The following MTA3 variants were observed in gnomAD, a reference collection of about 807,000 sequenced individuals.
MTA3 encodes metastasis-associated protein MTA3.
A neutral mutation model predicts 83.5 loss-of-function variants in MTA3; 34 were observed. The observed-to-expected ratio is 0.41, with a 90% CI of 0.31 to 0.54. MTA3 has a LOEUF of 0.54. Among genes scored for constraint, MTA3 ranks in the 20% least tolerant of loss-of-function variants. MTA3 has a pLI of 0.33. For synonymous variants in MTA3, 303 were observed against 252.7 expected (o/e 1.20, Z -1.89); for missense variants, 761 against 726.4 (o/e 1.05, Z -0.55).
chr2:42,625,746 CAAA>C (rs58956321), intron 4 of MTA3, among the ~76,000 whole-genome samples: 4 of 51,214 alleles, frequency 7.8e-5, no homozygotes, highest in South Asian at 6.8e-4. Context: ...GACTCCATCT[CAAA>C]AAAAAAAAAA....
chr2:42,557,688 T>G (rs1369288685), intron 2 of MTA3, among the ~76,000 whole-genome samples: 1 of 152,218 alleles, frequency 6.6e-6, no homozygotes, highest in Non-Finnish European at 1.5e-5. Flanking sequence ...TTTATTTATC[T>G]AGGACTTCGA....
chr2:42,682,677 C>G (rs911402011), intron 9 of MTA3, 88 bp downstream of exon 9: 4 of 1,221,516 alleles, frequency 3.3e-6, no homozygotes, highest in African/African-American at 3.0e-5. Flanking sequence ...ATTCATTTAG[C>G]AAGTTTGTGA....
At chr2:42,745,330 A>G (rs1380834265) in intron 16 of MTA3, among the ~76,000 whole-genome samples, 1 of 152,230 alleles carries the variant, frequency 6.6e-6, no homozygotes, top group Admixed American at 6.5e-5. Flanking sequence ...TAGGACAGCC[A>G]GTGAGCAAGA....
chr2:42,616,567 T>C (rs1335463915), intron 4 of MTA3, among the ~76,000 whole-genome samples: 2 of 126,918 alleles, frequency 1.6e-5, no homozygotes, highest in East Asian at 4.2e-4. Context: ...TCTCTTCTTC[T>C]TCTTCTTTTT....
Position 42,753,870 on chromosome 2 carries a change from G to A in MTA3, c.*471G>A, listed in dbSNP as rs1031658432. ...TGAATGGATTTTTCTTAAGAAATGC[G>A]CCAGTGTTTATGAGGTTCAAGGTAT... is the stretch of plus-strand genomic sequence containing the variant. On this transcript the variant is annotated 3_prime_UTR_variant, in exon 17 of 17. Coordinates refer to ENST00000405094, the MANE Select transcript of MTA3 (RefSeq NM_001330442.2). The A allele has an allele frequency of 5.4e-5, 53 of 989,684 alleles. No individual in the cohort carries two copies. The highest frequency in any genetic ancestry group is 6.0e-5 in the Admixed American group (1 of 16,568). The allele number at this position is 989,684 out of a possible 1,614,324, so 61.3% of individuals were successfully genotyped here.
chr2:42,643,043 C>T (rs373041769), intron 5 of MTA3, among the ~76,000 whole-genome samples: 3 of 146,936 alleles, frequency 2.0e-5, no homozygotes, highest in South Asian at 2.2e-4. Context: ...CTCCCCCCCC[C>T]CCCTTTTTTT....
At chr2:42,641,911 T>G (rs1373277299) in intron 5 of MTA3, among the ~76,000 whole-genome samples, 2 of 151,912 alleles carry the variant, frequency 1.3e-5, no homozygotes, top group African/African-American at 4.8e-5. Flanking sequence ...ATTGAAAAAT[T>G]ACCTATTGGG....
intron 4 of MTA3, among the ~76,000 whole-genome samples, chr2:42,621,795 A>G (rs560431483): frequency 4.5e-4 from 66 of 147,146 alleles, no homozygotes; most frequent in African/African-American, 1.7e-3. Context: ...CTGGGCAGAG[A>G]CGCTCCTCAC....
chr2:42,504,587 G>A (rs915052905), intron 2 of MTA3, among the ~76,000 whole-genome samples: 37 of 151,862 alleles, frequency 2.4e-4, no homozygotes, highest in East Asian at 1.4e-3. Context: ...GGGACATGTC[G>A]CTCCTGTGTC....
rs1689482223 is a variant in MTA3, at chr2:42,659,599, G to A, written c.603-164G>A. 3 of 393,156 alleles carry A rather than the reference G, an allele frequency of 7.6e-6. No individual in the cohort carries two copies. The South Asian group carries it at 1.3e-4, about 17-fold the overall frequency. The allele number at this position is 393,156 out of a possible 1,614,324, so 24.4% of individuals were successfully genotyped here. On this transcript the variant is annotated intron_variant, in intron 7 of 16. Transcript: ENST00000405094. ...CTTGTCAATTATTATATCTTATAGAGTGAAAATTCTTTTTATTTGATGTTT... is the reference window on the plus strand; with the variant it reads ...CTTGTCAATTATTATATCTTATAGAATGAAAATTCTTTTTATTTGATGTTT...
chr2:42,698,563 A>T (rs1028040333), intron 11 of MTA3: 1 of 152,174 alleles, frequency 6.6e-6, no homozygotes, highest in Non-Finnish European at 1.5e-5. Context: ...TTGGTTTATT[A>T]AGCACCACGT....
chr2:42,662,704 T>A (rs1689836021), intron 8 of MTA3, among the ~76,000 whole-genome samples: 1 of 151,396 alleles, frequency 6.6e-6, no homozygotes, highest in Non-Finnish European at 1.5e-5. Context: ...ACCGCCCCTA[T>A]GTTTTCCCTA....
intron 4 of MTA3, among the ~76,000 whole-genome samples, chr2:42,622,191 T>C (rs1573341919): frequency 2.0e-5 from 3 of 152,232 alleles, no homozygotes; most frequent in African/African-American, 7.2e-5. Context: ...TCACTCGCGG[T>C]TAGGAGCTGG....
At chr2:42,514,682 CTTT>C (rs767598363) in intron 2 of MTA3, among the ~76,000 whole-genome samples, 143 of 53,474 alleles carry the variant, frequency 2.7e-3, no homozygotes, top group Non-Finnish European at 3.4e-3. Context: ...CGCCCAGCCC[CTTT>C]TTTTTTTTTT....
chr2:42,700,298 A>T (rs1693749710), intron 11 of MTA3, among the ~76,000 whole-genome samples: 1 of 152,250 alleles, frequency 6.6e-6, no homozygotes, highest in African/African-American at 2.4e-5. Context: ...CTTTTAAAAC[A>T]TTAAAAATGT....
intron 16 of MTA3, among the ~76,000 whole-genome samples, chr2:42,732,425 A>C (rs989597958): frequency 6.6e-6 from 1 of 152,198 alleles, no homozygotes; most frequent in Non-Finnish European, 1.5e-5. Context: ...GGAGCAGCTG[A>C]GACACAGGGT....
chr2:42,723,104 A>G (rs1667547187), intron 16 of MTA3, 69 bp downstream of exon 16: 1 of 1,463,098 alleles, frequency 6.8e-7, no homozygotes, highest in African/African-American at 1.4e-5. Context: ...TGTGTCTGCC[A>G]CATCCAAAAA....
intron 16 of MTA3, among the ~76,000 whole-genome samples, chr2:42,723,531 A>C (rs750652229): frequency 5.9e-5 from 9 of 152,212 alleles, no homozygotes; most frequent in Non-Finnish European, 1.2e-4. Context: ...TGATGTCCTA[A>C]ATACAGAAAT....
intron 15 of MTA3, among the ~76,000 whole-genome samples, chr2:42,721,256 G>C (rs936589844): frequency 3.3e-5 from 5 of 151,764 alleles, no homozygotes; most frequent in Non-Finnish European, 7.4e-5. Context: ...CAAAGGATTA[G>C]ATCCTGTAAA....
Sources: gnomAD v4.1 joint callset for allele counts (sites outside exome capture counted in the v4.1 genomes callset) on GRCh38, gnomAD v4.1.1 for gene constraint, MANE v1.5 for transcripts, NCBI Gene and HGNC (gene_info 2026-07-23, HGNC 2026-07-21) for gene names.